Variants in FBLN1 observed in about 807,000 individuals in gnomAD.
FBLN1 encodes fibulin 1, also known as fibulin-1.
Under a neutral mutation model 89.7 loss-of-function variants are expected in FBLN1, and 34 were observed. The ratio of observed to expected loss-of-function variants is 0.38; its 90% CI spans 0.29 to 0.50. The LOEUF (loss-of-function observed/expected upper bound fraction) is 0.50. Ranked by LOEUF, FBLN1 falls within the 20% of genes least tolerant of loss-of-function variation. FBLN1 has a pLI of 0.92. For missense variants in FBLN1, 777 were observed against 988.1 expected (o/e 0.79, Z 2.86); for synonymous variants, 393 against 391.3 (o/e 1.00, Z -0.05).
At chr22:45,533,643 T>G in intron 6 of FBLN1, 118 bp from the exon 7 acceptor site, 3 of 1,172,278 alleles carry the variant, frequency 2.6e-6, no homozygotes, top group Non-Finnish European at 3.8e-6. Flanking sequence ...GGACCTGAGC[T>G]CAGTTTGCGA....
intron 16 of FBLN1, among the ~76,000 whole-genome samples, chr22:45,599,024 G>A (rs1290147309): frequency 6.6e-6 from 1 of 152,202 alleles, no homozygotes; most frequent in Non-Finnish European, 1.5e-5. Flanking sequence ...GGGCCTGGTC[G>A]GGGGCCATGG....
rs1569260151 is a variant in FBLN1, at chr22:45,568,575, GA to G, written c.1698-5935del. Among the ~76,000 whole-genome samples the G allele has an allele frequency of 1.3e-3, 192 of 145,768 alleles. 18 individuals are homozygous for G. The highest frequency in any genetic ancestry group is 3.1e-3 in the South Asian group (14 of 4,508). The stretch of plus-strand genomic sequence containing the variant: ...TCTGTAGGGCATGCTCCTTCTGTAG[GA>G]GAATGCTCCTGTAGGGGAATGCTCC... On this transcript the variant is annotated intron_variant, in intron 14 of 16. Coordinates refer to ENST00000327858, the MANE Select transcript of FBLN1 (RefSeq NM_006486.3).
chr22:45,544,302 G>A (rs1338845601), intron 11 of FBLN1, among the ~76,000 whole-genome samples: 1 of 152,202 alleles, frequency 6.6e-6, no homozygotes, highest in Non-Finnish European at 1.5e-5. Context: ...GGCCAGGCTG[G>A]TCTTGAACTC....
At position 45,527,949 on chromosome 22, in the gene FBLN1, G is replaced by A. The variant is rs760466780; in HGVS notation, c.424G>A (p.Ala142Thr). 3 of 1,614,226 alleles carry A rather than the reference G, an allele frequency of 1.9e-6. No individual in the cohort carries two copies. Among genetic ancestry groups the A allele is most frequent in the Non-Finnish European group, 2.5e-6 (3 of 1,180,028 alleles). ...CTACCAGTGTGGACAGGTCTTCCAG[G>A]CATGCTGTGTCAAGAGCCAGGAGAC... Reference protein sequence around the residue: ...VGYQCGQVFQACCVKSQETGD... With the variant: ...VGYQCGQVFQTCCVKSQETGD... Residue 142 changes from alanine to threonine, a missense_variant, in exon 4 of 17, where the codon GCA (alanine) becomes ACA (threonine). Ala to Thr is a moderately conservative substitution (Grantham distance 58, BLOSUM62 0). Transcript: ENST00000327858.
chr22:45,533,510 C>T lies in FBLN1; in HGVS notation c.647-251C>T, dbSNP rs117364142. ...GGAGATGGAGAAGATGCTGCCCCTCCGTGGGGTTCTTGAGGACCACATAAC... is the reference window on the plus strand; with the variant it reads ...GGAGATGGAGAAGATGCTGCCCCTCTGTGGGGTTCTTGAGGACCACATAAC... On this transcript the variant is annotated intron_variant, in intron 6 of 16. Transcript: ENST00000327858. Among the ~76,000 whole-genome samples the T allele has an allele frequency of 3.9e-3, 594 of 152,292 alleles. 7 individuals carry two copies. Among genetic ancestry groups the T allele is most frequent in the East Asian group, 0.012 (60 of 5,172 alleles).
At chr22:45,554,063 C>T (rs988308828) in intron 14 of FBLN1, among the ~76,000 whole-genome samples, 1 of 152,214 alleles carries the variant, frequency 6.6e-6, no homozygotes, top group African/African-American at 2.4e-5. Flanking sequence ...ACTTTGAAAG[C>T]CAAGCTTGCC....
Position 45,577,299 on chromosome 22 carries a change from C to G in FBLN1, c.1972+191C>G, listed in dbSNP as rs2089006212. On this transcript the variant is annotated intron_variant, in intron 16 of 16. Coordinates refer to ENST00000327858, the MANE Select transcript of FBLN1 (RefSeq NM_006486.3). The surrounding 1 kb of genome is among the most constrained non-coding windows in gnomAD (Gnocchi z 6.6). ...CGGAGGAACAGCCAGAGTGGGGGAT[C>G]CTGCCTGGGATCTGACCCTAGCTGT... Among the ~76,000 whole-genome samples, 1 of 152,168 alleles carries G rather than the reference C, an allele frequency of 6.6e-6. No homozygotes were observed. Among genetic ancestry groups the G allele is most frequent in the Admixed American group, 6.5e-5 (1 of 15,276 alleles).
intron 10 of FBLN1, 138 bp from the exon 11 acceptor site, chr22:45,543,263 C>A: frequency 9.1e-7 from 1 of 1,098,502 alleles, no homozygotes; most frequent in Non-Finnish European, 1.3e-6. Context: ...GAGACTCCAT[C>A]TCAAAGATGA....
chr22:45,570,209 A>C (rs1336829755), intron 14 of FBLN1, among the ~76,000 whole-genome samples: 3 of 151,420 alleles, frequency 2.0e-5, no homozygotes, highest in African/African-American at 7.3e-5. Context: ...AATCCCAGCT[A>C]CTCAGGAGGC....
At chr22:45,507,277 C>G (rs978023273) in intron 1 of FBLN1, among the ~76,000 whole-genome samples, 1 of 152,138 alleles carries the variant, frequency 6.6e-6, no homozygotes, top group Non-Finnish European at 1.5e-5. Context: ...AGGTTATTTG[C>G]GGGTTACTAC....
intron 16 of FBLN1, among the ~76,000 whole-genome samples, chr22:45,598,439 G>A (rs1044967956): frequency 2.6e-5 from 4 of 152,208 alleles, no homozygotes; most frequent in African/African-American, 9.6e-5. Flanking sequence ...GGACCTTGGC[G>A]GTTCATTCAT....
At chr22:45,548,245 C>T (rs1200212098) in intron 12 of FBLN1, among the ~76,000 whole-genome samples, 1 of 152,166 alleles carries the variant, frequency 6.6e-6, no homozygotes. Flanking sequence ...GACACAGGGT[C>T]TCACTTTGTT....
In FBLN1 at chr22:45,531,223, G is replaced by A. The variant is rs1348509523; in HGVS notation, c.485-42G>A. ...TGGGAGTTTCTTTTAAGATAAGATGGGTGTTTGGATAAATGTCTGACTTGG... is the reference window on the plus strand; with the variant it reads ...TGGGAGTTTCTTTTAAGATAAGATGAGTGTTTGGATAAATGTCTGACTTGG... On this transcript the variant is annotated intron_variant, in intron 4 of 16. Transcript: ENST00000327858. The surrounding 1 kb of genome is among the most constrained non-coding windows in gnomAD (Gnocchi z 4.9). 1 of 1,559,982 alleles carries A rather than the reference G, an allele frequency of 6.4e-7. No individual in the cohort carries two copies. The highest frequency in any genetic ancestry group is 1.4e-5 in the African/African-American group (1 of 73,910).
At chr22:45,543,220 C>G (rs998400698) in intron 10 of FBLN1, among the ~76,000 whole-genome samples, 181 bp from the exon 11 acceptor site, 3 of 152,164 alleles carry the variant, frequency 2.0e-5, no homozygotes, top group African/African-American at 7.2e-5. Context: ...GAGCTGAGAT[C>G]ATGCCACTGC....
rs115301618 is a variant in FBLN1 at position 45,596,901 on chromosome 22, A to G, written c.1973-3406A>G. On this transcript the variant is annotated intron_variant, in intron 16 of 16. Transcript: ENST00000327858. The stretch of plus-strand genomic sequence containing the variant: ...TAAAATACAGTTATATAAATTTGAC[A>G]TACTTTATAACATATATTTTTAATA... 8.7e-3 allele frequency among the ~76,000 whole-genome samples: 1,295 copies of G among 148,526 alleles called. 16 individuals carry two copies. The highest frequency in any genetic ancestry group is 0.03 in the African/African-American group (1,222 of 40,852).
chr22:45,547,581 T>C (rs1268371944), intron 12 of FBLN1, among the ~76,000 whole-genome samples: 1 of 151,634 alleles, frequency 6.6e-6, no homozygotes, highest in East Asian at 1.9e-4. Flanking sequence ...TTTTAAAAAA[T>C]TAGAGACGGG....
chr22:45,510,910 A>T (rs1424422561), intron 1 of FBLN1, among the ~76,000 whole-genome samples: 1 of 152,196 alleles, frequency 6.6e-6, no homozygotes, highest in African/African-American at 2.4e-5. Context: ...AGCCAGCTCC[A>T]TCCATCTGCA....
chr22:45,518,127 C>CAAAAA (rs136717), intron 1 of FBLN1, among the ~76,000 whole-genome samples: 1 of 122,684 alleles, frequency 8.2e-6, no homozygotes, highest in African/African-American at 3.0e-5. Context: ...GACTCTGTCT[C>CAAAAA]AAAAAAAAAA....
intron 4 of FBLN1, among the ~76,000 whole-genome samples, chr22:45,528,348 T>A (rs897206371): frequency 3.0e-4 from 42 of 138,934 alleles, no homozygotes; most frequent in African/African-American, 9.5e-4. Flanking sequence ...GTTAATCTCT[T>A]TTTTTTTTTG....
Sources: gnomAD v4.1 joint callset for allele counts (sites outside exome capture counted in the v4.1 genomes callset) on GRCh38, gnomAD v4.1.1 for gene constraint, Gnocchi (gnomAD v3.1) non-coding constraint, MANE v1.5 for transcripts, NCBI Gene and HGNC (gene_info 2026-07-23, HGNC 2026-07-21) for gene names.